Variants in KAZN observed in about 807,000 individuals in gnomAD.
KAZN encodes kazrin.
A neutral mutation model predicts 87.4 loss-of-function variants in KAZN; 40 were observed. The observed-to-expected ratio is 0.46, with a 90% CI of 0.36 to 0.60. The LOEUF is 0.60. KAZN is among the 20% of genes least tolerant of loss of function. The probability of loss-of-function intolerance (pLI) is 0.00; values close to 1 mark genes in which losing one functional copy is unlikely to be tolerated. For synonymous variants in KAZN, 466 were observed against 458.3 expected (o/e 1.02, Z -0.22); for missense variants, 898 against 1,073.9 (o/e 0.84, Z 2.29).
At chr1:14,696,536 G>A (rs928170368) in intron 1 of KAZN, among the ~76,000 whole-genome samples, 1 of 152,206 alleles carries the variant, frequency 6.6e-6, no homozygotes, top group African/African-American at 2.4e-5. Flanking sequence ...AGTCAGGCAG[G>A]TGAGGGGTTT....
At chr1:14,836,149 CAG>C (rs1482259564) in intron 1 of KAZN, among the ~76,000 whole-genome samples, 1 of 152,142 alleles carries the variant, frequency 6.6e-6, no homozygotes, top group Non-Finnish European at 1.5e-5. Context: ...GAAGAGGGGA[CAG>C]AAGCTGAAGC....
chr1:14,822,825 A>C (rs1356113819), intron 1 of KAZN, among the ~76,000 whole-genome samples: 2 of 152,018 alleles, frequency 1.3e-5, no homozygotes, highest in Non-Finnish European at 2.9e-5. Context: ...CCACACATGA[A>C]GACAGGGCTG....
intron 1 of KAZN, among the ~76,000 whole-genome samples, chr1:14,092,927 A>G (rs1220138836): frequency 2.6e-5 from 4 of 152,214 alleles, no homozygotes. Flanking sequence ...AACTGGTTAC[A>G]TTCTGTGGTT....
chr1:14,726,767 A>G (rs776550770), intron 1 of KAZN, among the ~76,000 whole-genome samples: 29 of 152,192 alleles, frequency 1.9e-4, no homozygotes, highest in Non-Finnish European at 3.8e-4. Flanking sequence ...AACTTGAGAG[A>G]CATGCAGATT....
chr1:14,410,140 G>C (rs551539945), intron 2 of KAZN, among the ~76,000 whole-genome samples: 120 of 152,326 alleles, frequency 7.9e-4, no homozygotes, highest in African/African-American at 2.7e-3. Flanking sequence ...GTCTTGCTCT[G>C]TCACCAGAGC....
At chr1:14,090,813 A>G (rs1194642997) in intron 1 of KAZN, among the ~76,000 whole-genome samples, 1 of 152,094 alleles carries the variant, frequency 6.6e-6, no homozygotes, top group South Asian at 2.1e-4. Context: ...ATCAATGCTC[A>G]GCTAAACACT....
At chr1:14,485,285 G>A (rs2480063) in intron 2 of KAZN, among the ~76,000 whole-genome samples, 67,203 of 151,992 alleles carry the variant, frequency 0.44, 15,252 homozygotes, top group East Asian at 0.59. Context: ...CTTTGCAAGG[G>A]ACATCTTAAA....
chr1:14,956,622 T>G (rs936930192), intron 1 of KAZN, among the ~76,000 whole-genome samples: 1 of 149,980 alleles, frequency 6.7e-6, no homozygotes, highest in South Asian at 2.1e-4. Flanking sequence ...AAAAAAAAAA[T>G]TAAACAAAAA....
intron 2 of KAZN, among the ~76,000 whole-genome samples, chr1:14,468,043 C>G (rs1272345673): frequency 1.3e-5 from 2 of 152,062 alleles, no homozygotes; most frequent in African/African-American, 4.8e-5. Flanking sequence ...GAGGTGTGTT[C>G]CTACAATGAA....
At chr1:14,803,885 A>G (rs1298917407) in intron 1 of KAZN, among the ~76,000 whole-genome samples, 1 of 152,208 alleles carries the variant, frequency 6.6e-6, no homozygotes, top group African/African-American at 2.4e-5. Context: ...GGACTTAAGG[A>G]GCCCCAAGGC....
intron 2 of KAZN, among the ~76,000 whole-genome samples, chr1:14,475,555 A>C (rs1346148407): frequency 4.6e-5 from 7 of 152,232 alleles, no homozygotes; most frequent in Non-Finnish European, 8.8e-5. Flanking sequence ...ACTAAAACCC[A>C]GCAAAACAAT....
intron 1 of KAZN, among the ~76,000 whole-genome samples, chr1:14,707,273 A>G (rs1218895286): frequency 6.6e-6 from 1 of 152,200 alleles, no homozygotes; most frequent in East Asian, 1.9e-4. Flanking sequence ...CCAGGTGAGG[A>G]TGCTGCATTT....
chr1:14,993,750 G>A (rs1667588154), intron 2 of KAZN, among the ~76,000 whole-genome samples: 1 of 152,186 alleles, frequency 6.6e-6, no homozygotes, highest in African/African-American at 2.4e-5. Context: ...CTCTTGATGT[G>A]TTCGTTGAGT....
chr1:14,851,192 C>T (rs1331618777), intron 1 of KAZN, among the ~76,000 whole-genome samples: 1 of 152,170 alleles, frequency 6.6e-6, no homozygotes, highest in African/African-American at 2.4e-5. Flanking sequence ...TCTAAGTGCA[C>T]CAGGATGGAG....
chr1:13,926,998 G>A (rs976181809), intron 1 of KAZN, among the ~76,000 whole-genome samples: 3 of 152,198 alleles, frequency 2.0e-5, no homozygotes, highest in East Asian at 1.9e-4. Flanking sequence ...CATGTCACTC[G>A]GCCCTTTGTT....
chr1:14,232,348 AG>A (rs1271770480), intron 2 of KAZN, among the ~76,000 whole-genome samples: 5 of 152,148 alleles, frequency 3.3e-5, no homozygotes, highest in Admixed American at 6.5e-5. Flanking sequence ...TATTGAAAAA[AG>A]TTAGTAAATT....
At chr1:14,665,957 C>T (rs1396890983) in intron 1 of KAZN, among the ~76,000 whole-genome samples, 1 of 117,128 alleles carries the variant, frequency 8.5e-6, no homozygotes, top group Non-Finnish European at 1.8e-5. Flanking sequence ...AAAAAAATAA[C>T]ATACAGAAAG....
At chr1:14,557,616 T>TAG (rs1673966340) in intron 2 of KAZN, among the ~76,000 whole-genome samples, 1 of 136,350 alleles carries the variant, frequency 7.3e-6, no homozygotes, top group Non-Finnish European at 1.6e-5. Context: ...ACAAAACCAA[T>TAG]AGGGTGTGTG....
At chr1:14,931,814 G>T (rs11811639) in intron 1 of KAZN, among the ~76,000 whole-genome samples, 1 of 152,028 alleles carries the variant, frequency 6.6e-6, no homozygotes, top group African/African-American at 2.4e-5. Flanking sequence ...GCACGATCAG[G>T]GCACGCTAGC....
Sources: allele counts gnomAD v4.1 joint callset (sites outside exome capture counted in the v4.1 genomes callset), GRCh38; gene constraint gnomAD v4.1.1; transcripts MANE v1.5; gene names NCBI Gene and HGNC (gene_info 2026-07-23, HGNC 2026-07-21).